PIP5K1C: variants seen among roughly 807,000 people sequenced by gnomAD.
PIP5K1C encodes phosphatidylinositol-4-phosphate 5-kinase type 1 gamma.
Under a neutral mutation model 80.1 loss-of-function variants are expected in PIP5K1C, and 45 were observed. The ratio of observed to expected loss-of-function variants is 0.56; its 90% CI spans 0.44 to 0.72. The LOEUF (loss-of-function observed/expected upper bound fraction) is 0.72, where lower values mean the gene tolerates loss of function less well. PIP5K1C is among the 30% of genes least tolerant of loss of function. PIP5K1C has a pLI of 0.00. For synonymous variants in PIP5K1C, 498 were observed against 420.1 expected (o/e 1.19, Z -2.27); for missense variants, 753 against 954.6 (o/e 0.79, Z 2.78).
chr19:3,637,936 G>A lies in PIP5K1C; in HGVS notation c.1920+948C>T, dbSNP rs1236301579. 3 of 1,535,062 alleles carry A rather than the reference G, an allele frequency of 2.0e-6. No individual in the cohort carries two copies. The African/African-American group carries it at 4.1e-5, about 21-fold the overall frequency. On this transcript the variant is annotated intron_variant, in intron 16 of 17. Transcript: ENST00000335312. This position sits in a 1 kb window ranked among gnomAD's most constrained non-coding sequence, Gnocchi z 7.0. ...AGGGGTGACGACGTGCGGTGGGTAGGGGCACAGGCACGCGGCCCGTCCCTC... is the reference window on the plus strand; with the variant it reads ...AGGGGTGACGACGTGCGGTGGGTAGAGGCACAGGCACGCGGCCCGTCCCTC...
At chr19:3,656,610 A>G in intron 5 of PIP5K1C, 53 bp from the exon 6 acceptor site, 1 of 1,603,364 alleles carries the variant, frequency 6.2e-7, no homozygotes, top group South Asian at 1.1e-5. Flanking sequence ...ACACACAGAC[A>G]GCACTGGCTT....
rs141353408 is a variant in PIP5K1C at position 3,636,115 on chromosome 19, C to A, written c.1921-2595G>T. 4.0e-3 allele frequency among the ~76,000 whole-genome samples: 615 copies of A among 152,234 alleles called. 4 individuals are homozygous for A. Among genetic ancestry groups the A allele is most frequent in the African/African-American group, 0.014 (566 of 41,520 alleles). ...GAGGTTGCAGTGAGCTGAGATCATG[C>A]CATTGCACTCCAGCCTGGGCGACAG... On this transcript the variant is annotated intron_variant, in intron 16 of 17. Transcript: ENST00000335312.
chr19:3,659,587 G>A (rs980643053), intron 5 of PIP5K1C, among the ~76,000 whole-genome samples: 1 of 152,208 alleles, frequency 6.6e-6, no homozygotes, highest in Non-Finnish European at 1.5e-5. Flanking sequence ...AACCCCAGCT[G>A]TGTTTTCACT....
chr19:3,670,178 C>T (rs2035160232), intron 1 of PIP5K1C, among the ~76,000 whole-genome samples: 1 of 152,098 alleles, frequency 6.6e-6, no homozygotes. Flanking sequence ...GCTGGTGGGC[C>T]CCTGCAGTCG....
intron 1 of PIP5K1C, among the ~76,000 whole-genome samples, chr19:3,687,498 C>G (rs543865299): frequency 1.3e-5 from 2 of 151,914 alleles, no homozygotes; most frequent in Admixed American, 6.6e-5. Context: ...CGCACATACA[C>G]GCACACATGC....
At position 3,688,669 on chromosome 19, in the gene PIP5K1C, G is replaced by A. The variant is rs777386006; in HGVS notation, c.94+11628C>T. On this transcript the variant is annotated intron_variant, in intron 1 of 17. Transcript: ENST00000335312. This position sits in a 1 kb window ranked among gnomAD's most constrained non-coding sequence, Gnocchi z 5.3. ...TCGTGTCCCTCAGGGCTAGAGACCC[G>A]GATGAGCCCCATGGAGAAACCCGTA... 2.0e-5 allele frequency among the ~76,000 whole-genome samples: 3 copies of A among 152,096 alleles called. No homozygotes were observed. The highest frequency in any genetic ancestry group is 1.9e-4 in the East Asian group (1 of 5,180).
intron 1 of PIP5K1C, among the ~76,000 whole-genome samples, chr19:3,683,395 G>A (rs574614377): frequency 2.0e-5 from 3 of 152,174 alleles, no homozygotes; most frequent in Admixed American, 6.5e-5. Flanking sequence ...GCTGCTTCCC[G>A]TCTCTAACCA....
rs376968213 is a variant in PIP5K1C, at chr19:3,633,551, C to T, written c.1921-31G>A. On this transcript the variant is annotated intron_variant, in intron 16 of 17. Transcript: ENST00000335312. ...AGGTGGGCGCGCGTGCAGGAGGGCG[C>T]GGAAGAGCAGGGTGCGAGGAGGTGC... The T allele has an allele frequency of 1.1e-4, 160 of 1,437,184 alleles. 1 individual carries two copies. In the African/African-American group the frequency reaches 2.0e-3, roughly 18 times the overall value. 89.0% of individuals were successfully genotyped at this position (1,437,184 alleles called of 1,614,324 possible).
At chr19:3,635,982 AAAAC>A (rs1327856193) in intron 16 of PIP5K1C, among the ~76,000 whole-genome samples, 6 of 150,938 alleles carry the variant, frequency 4.0e-5, no homozygotes, top group South Asian at 2.1e-4. Context: ...TCTGTCTCAA[AAAAC>A]AAACAAACAA....
At chr19:3,646,090 C>G in intron 10 of PIP5K1C, 32 bp from the exon 11 acceptor site, 1 of 1,385,846 alleles carries the variant, frequency 7.2e-7, no homozygotes, top group Middle Eastern at 1.8e-4. Flanking sequence ...TGCCCGGGGG[C>G]AGAGGGTGCA....
chr19:3,665,556 G>A (rs375481521), intron 2 of PIP5K1C, among the ~76,000 whole-genome samples: 1 of 152,100 alleles, frequency 6.6e-6, no homozygotes, highest in African/African-American at 2.4e-5. Context: ...CTCACCCACC[G>A]CCTGAGGTGG....
chr19:3,658,468 C>T (rs192336993), intron 5 of PIP5K1C, among the ~76,000 whole-genome samples: 92 of 152,380 alleles, frequency 6.0e-4, no homozygotes, highest in Admixed American at 4.8e-3. Context: ...ACAGAGCCCA[C>T]GCGGCTCCTC....
intron 8 of PIP5K1C, among the ~76,000 whole-genome samples, chr19:3,651,111 G>C (rs1205987382): frequency 6.7e-6 from 1 of 149,558 alleles, no homozygotes; most frequent in African/African-American, 2.5e-5. Flanking sequence ...CTGGAGTGCA[G>C]TGGTGTGATC....
chr19:3,638,941 G>C lies in PIP5K1C; in HGVS notation c.1863C>G (p.Gly621=). 6.2e-7 allele frequency: 1 copy of C among 1,612,296 alleles called. No individual in the cohort carries two copies. The highest frequency in any genetic ancestry group is 1.1e-5 in the South Asian group (1 of 91,070). The change falls in exon 16 of 18, where the codon GGC becomes GGG. Residue 621 remains glycine (G), a synonymous_variant. Coordinates refer to ENST00000335312, the MANE Select transcript of PIP5K1C (RefSeq NM_012398.3). ...ETASQASDEE[G]APASQASDEE... ...CGTCCGAGGCCTGGCTGGCAGGTGCGCCCTCCTCGTCTGAGGCCTGGCTGG... is the reference window on the plus strand; with the variant it reads ...CGTCCGAGGCCTGGCTGGCAGGTGCCCCCTCCTCGTCTGAGGCCTGGCTGG...
intron 16 of PIP5K1C, among the ~76,000 whole-genome samples, chr19:3,633,909 G>A (rs1176939138): frequency 6.6e-6 from 1 of 152,086 alleles, no homozygotes; most frequent in Non-Finnish European, 1.5e-5. Flanking sequence ...CTGTGCCACG[G>A]GCACCAGCGC....
chr19:3,677,491 G>A (rs1053635162), intron 1 of PIP5K1C, among the ~76,000 whole-genome samples: 2 of 151,748 alleles, frequency 1.3e-5, no homozygotes, highest in South Asian at 2.1e-4. Flanking sequence ...GCGGAGGCAG[G>A]AGAATCGCTT....
rs371228547 is a variant in PIP5K1C, at chr19:3,644,250, G to A, written c.1347C>T (p.Ser449=). Reference sequence around the variant, plus strand: ...CCTTCTTGGAGGGCGAGGACTTCAGGGCTGCAGGGAAGGGTGGGGGTTGGT... The same window carrying A: ...CCTTCTTGGAGGGCGAGGACTTCAGAGCTGCAGGGAAGGGTGGGGGTTGGT... ...MSNTVFRKNS[S]LKSSPSKKGR... The change falls in exon 12 of 18, where the codon TCC becomes TCT. Residue 449 remains serine (S), a splice_region_variant and synonymous_variant. Coordinates refer to ENST00000335312, the MANE Select transcript of PIP5K1C (RefSeq NM_012398.3). 7 of 1,611,760 alleles carry A rather than the reference G, an allele frequency of 4.3e-6. No individual in the cohort carries two copies. The African/African-American group carries it at 9.3e-5, about 22-fold the overall frequency.
intron 16 of PIP5K1C, chr19:3,636,538 G>A: frequency 1.0e-6 from 1 of 985,556 alleles, no homozygotes; most frequent in Non-Finnish European, 1.2e-6. Flanking sequence ...GGCCAGCAGG[G>A]CCGCTGGGTC....
rs935479266 is a variant in PIP5K1C, at chr19:3,642,936, C to T, written c.1653G>A (p.Arg551=). The change falls in exon 14 of 18, where the codon CGG becomes CGA. Residue 551 remains arginine, a synonymous_variant. Transcript: ENST00000335312. ...CATCCTGTCCAGACGACTGTGTGCG[C>T]CGCCTGCAGAGATACAGCAAACACG... is the stretch of plus-strand genomic sequence containing the variant. ...SETSEQPRYR[R]RTQSSGQDGR... is the part of the protein sequence containing the mutation. The T allele has an allele frequency of 3.1e-6, 5 of 1,613,452 alleles. No homozygotes were observed. The highest frequency in any genetic ancestry group is 1.3e-5 in the African/African-American group (1 of 74,844).
Sources: allele counts gnomAD v4.1 joint callset (sites outside exome capture counted in the v4.1 genomes callset), GRCh38; gene constraint gnomAD v4.1.1; non-coding constraint Gnocchi (gnomAD v3.1); transcripts MANE v1.5; gene names NCBI Gene and HGNC (gene_info 2026-07-23, HGNC 2026-07-21).